The following IL34 variants were observed in gnomAD, a reference collection of about 807,000 sequenced individuals.
The protein encoded by IL34 is interleukin 34.
A neutral mutation model predicts 25.3 loss-of-function variants in IL34; 17 were observed. That is an observed-to-expected ratio of 0.67 (90% confidence interval 0.46 to 1.01). The LOEUF is 1.01. Ranked by LOEUF, IL34 falls within the 50% of genes least tolerant of loss-of-function variation. The probability of loss-of-function intolerance (pLI) is 0.00; values close to 1 mark genes in which losing one functional copy is unlikely to be tolerated. For missense variants in IL34, 368 were observed against 312.9 expected, an observed-to-expected ratio of 1.18 and a Z score of -1.33; for synonymous variants, 174 against 140.9, an observed-to-expected ratio of 1.23 and a Z score of -1.66.
intron 1 of IL34, among the ~76,000 whole-genome samples, chr16:70,626,591 TCA>T (rs1278087893): frequency 2.0e-5 from 3 of 152,168 alleles, no homozygotes; most frequent in African/African-American, 7.2e-5. Flanking sequence ...AGATGGGGTT[TCA>T]CCATGTTGAT....
chr16:70,596,615 C>T (rs1287386615), intron 1 of IL34, among the ~76,000 whole-genome samples: 1 of 152,196 alleles, frequency 6.6e-6, no homozygotes, highest in Non-Finnish European at 1.5e-5. Context: ...ACGCATATGC[C>T]TCTCTGTACC....
intron 2 of IL34, 26 bp from the exon 3 acceptor site, chr16:70,656,576 C>T (rs779904161): frequency 3.0e-6 from 3 of 998,086 alleles, no homozygotes; most frequent in Non-Finnish European, 4.9e-6. Flanking sequence ...CTTCTGGCCT[C>T]ATAGTTTGTT....
At chr16:70,643,763 T>TA (rs2051842167), upstream of IL34, among the ~76,000 whole-genome samples, 1 of 152,238 alleles carries the variant, frequency 6.6e-6, no homozygotes, top group African/African-American at 2.4e-5. Context: ...CATCAGAGAT[T>TA]TAAAAAATAA....
chr16:70,596,135 G>A (rs562639584), intron 1 of IL34, among the ~76,000 whole-genome samples: 1 of 152,152 alleles, frequency 6.6e-6, no homozygotes, highest in Admixed American at 6.5e-5. Context: ...GTGGGCCCTT[G>A]TCCTAGGCGG....
upstream of IL34, among the ~76,000 whole-genome samples, chr16:70,641,900 C>A (rs75166797): frequency 6.0e-3 from 909 of 152,188 alleles, 3 homozygotes; most frequent in Middle Eastern, 0.01. Flanking sequence ...CACTAAAAAT[C>A]CTCATTAGTT....
At chr16:70,631,984 C>G (rs912075016) in intron 1 of IL34, among the ~76,000 whole-genome samples, 1 of 151,654 alleles carries the variant, frequency 6.6e-6, no homozygotes, top group Non-Finnish European at 1.5e-5. Context: ...ACCTGTAATC[C>G]CAGCTACTTG....
At chr16:70,621,409 A>G (rs1425755539) in intron 1 of IL34, among the ~76,000 whole-genome samples, 1 of 152,214 alleles carries the variant, frequency 6.6e-6, no homozygotes, top group East Asian at 1.9e-4. Flanking sequence ...TGGAAAGAAG[A>G]AAGTGGTTGA....
At chr16:70,596,170 G>A (rs1302180538) in intron 1 of IL34, among the ~76,000 whole-genome samples, 1 of 152,126 alleles carries the variant, frequency 6.6e-6, no homozygotes, top group Non-Finnish European at 1.5e-5. Flanking sequence ...TAGCCTCAGA[G>A]GCAGGAGGGG....
At chr16:70,620,701 C>A (rs117414038) in intron 1 of IL34, among the ~76,000 whole-genome samples, 1 of 147,938 alleles carries the variant, frequency 6.8e-6, no homozygotes, top group Non-Finnish European at 1.5e-5. Flanking sequence ...AGACCTTCTG[C>A]GTATTTTACA....
intron 1 of IL34, among the ~76,000 whole-genome samples, chr16:70,623,555 A>C (rs114984683): frequency 6.6e-6 from 1 of 151,974 alleles, no homozygotes; most frequent in African/African-American, 2.4e-5. Flanking sequence ...TGAACAGGGT[A>C]AGGGTGATAA....
intron 2 of IL34, 138 bp downstream of exon 2, chr16:70,654,809 C>T (rs1244028932): frequency 1.9e-5 from 21 of 1,123,740 alleles, no homozygotes; most frequent in South Asian, 3.8e-5. Context: ...TGCCTTTCTC[C>T]GAAACCTACC....
intron 1 of IL34, among the ~76,000 whole-genome samples, chr16:70,653,292 C>T (rs35283920): frequency 0.27 from 40,449 of 149,852 alleles, 5,890 homozygotes; most frequent in South Asian, 0.44. Flanking sequence ...ATGGAAGGAC[C>T]GCTTGACACT....
At chr16:70,591,855 C>T (rs887093300) in intron 1 of IL34, among the ~76,000 whole-genome samples, 1 of 152,230 alleles carries the variant, frequency 6.6e-6, no homozygotes, top group Non-Finnish European at 1.5e-5. Context: ...TGCCCTGAGG[C>T]TCGGTGCTGG....
rs570619056 is a variant in IL34, at chr16:70,647,210, C to T, written c.28+235C>T. ...GTTCTGGCTGGGTGGGCATGGTCCT[C>T]AGGGTGGTCTTAGGTCGGGGCAGGC... On this transcript the variant is annotated intron_variant, in intron 1 of 5. Coordinates refer to ENST00000288098, the MANE Select transcript of IL34 (RefSeq NM_001393494.1). 4.1e-4 allele frequency among the ~76,000 whole-genome samples: 63 copies of T among 152,314 alleles called. 1 individual carries two copies. Among genetic ancestry groups the T allele is most frequent in the African/African-American group, 1.4e-3 (59 of 41,578 alleles).
At chr16:70,635,597 T>G (rs1018538349) in intron 1 of IL34, among the ~76,000 whole-genome samples, 4 of 152,148 alleles carry the variant, frequency 2.6e-5, no homozygotes, top group African/African-American at 9.7e-5. Flanking sequence ...GCAGGAGCTG[T>G]TTCCAGTGTT....
At chr16:70,645,001 AGAG>A (rs562200677), upstream of IL34, among the ~76,000 whole-genome samples, 54 of 143,102 alleles carry the variant, frequency 3.8e-4, no homozygotes, top group South Asian at 1.2e-3. Flanking sequence ...AGGAGGAAGA[AGAG>A]GAAGAGGAGG....
intron 1 of IL34, among the ~76,000 whole-genome samples, chr16:70,595,983 C>T (rs1488336368): frequency 6.8e-6 from 1 of 147,798 alleles, no homozygotes; most frequent in Non-Finnish European, 1.5e-5. Context: ...TGCACTCCAG[C>T]ATGGGCGACA....
At chr16:70,596,775 G>A (rs1223698192) in intron 1 of IL34, among the ~76,000 whole-genome samples, 2 of 152,248 alleles carry the variant, frequency 1.3e-5, no homozygotes, top group Admixed American at 6.5e-5. Flanking sequence ...GTTTTTTGTA[G>A]AGACAAGGTC....
intron 1 of IL34, among the ~76,000 whole-genome samples, chr16:70,623,962 C>A (rs55981109): frequency 8.3e-6 from 1 of 120,296 alleles, no homozygotes; most frequent in Non-Finnish European, 1.9e-5. Context: ...TTGATTAAGG[C>A]GACGGACTTA....
Sources: gnomAD v4.1 joint callset for allele counts (sites outside exome capture counted in the v4.1 genomes callset) on GRCh38, gnomAD v4.1.1 for gene constraint, MANE v1.5 for transcripts, NCBI Gene and HGNC (gene_info 2026-07-23, HGNC 2026-07-21) for gene names.